The following GRIN2A variants were observed in gnomAD, a reference collection of about 807,000 sequenced individuals.
GRIN2A encodes glutamate receptor ionotropic, NMDA 2A.
Under a neutral mutation model 113.4 loss-of-function variants are expected in GRIN2A, and 22 were observed. The ratio of observed to expected loss-of-function variants is 0.19; its 90% CI spans 0.14 to 0.28. GRIN2A has a LOEUF of 0.28. Among genes scored for constraint, GRIN2A ranks in the 10% least tolerant of loss-of-function variants. The pLI is 1.00. For missense variants in GRIN2A, 1,502 were observed against 1,887.0 expected, an observed-to-expected ratio of 0.80 and a Z score of 3.78; for synonymous variants, 827 against 738.4, an observed-to-expected ratio of 1.12 and a Z score of -1.94.
At chr16:9,923,588 T>G (rs1314703246) in intron 3 of GRIN2A, among the ~76,000 whole-genome samples, 1 of 152,160 alleles carries the variant, frequency 6.6e-6, no homozygotes. Context: ...TTTTTAATGT[T>G]AGTGGTTTGT....
At chr16:9,887,736 G>A (rs576162532) in intron 4 of GRIN2A, among the ~76,000 whole-genome samples, 11 of 152,212 alleles carry the variant, frequency 7.2e-5, no homozygotes, top group African/African-American at 1.7e-4. Flanking sequence ...GTATGTGTAC[G>A]TTTATTAAAA....
At chr16:9,971,663 A>G (rs545378731) in intron 2 of GRIN2A, among the ~76,000 whole-genome samples, 1 of 152,366 alleles carries the variant, frequency 6.6e-6, no homozygotes, top group African/African-American at 2.4e-5. Context: ...CATAAAAATT[A>G]TCTGATCTAG....
At chr16:10,149,976 C>T (rs1232979234) in intron 2 of GRIN2A, among the ~76,000 whole-genome samples, 1 of 152,190 alleles carries the variant, frequency 6.6e-6, no homozygotes, top group Non-Finnish European at 1.5e-5. Flanking sequence ...TCCATTTCTA[C>T]CACAAAGAAA....
chr16:10,111,482 A>C, intron 2 of GRIN2A: 1 of 659,002 alleles, frequency 1.5e-6, no homozygotes, highest in Non-Finnish European at 2.8e-6. Context: ...ACCCACAACA[A>C]CTTCCTGATT....
intron 2 of GRIN2A, among the ~76,000 whole-genome samples, chr16:10,106,482 C>T (rs1036074090): frequency 2.0e-5 from 3 of 151,600 alleles, no homozygotes; most frequent in African/African-American, 7.3e-5. Context: ...CTAGTACAAC[C>T]AAAGTGGCCA....
chr16:9,906,353 T>C (rs1484675012), intron 3 of GRIN2A, among the ~76,000 whole-genome samples: 1 of 152,196 alleles, frequency 6.6e-6, no homozygotes, highest in East Asian at 1.9e-4. Flanking sequence ...AGTCTTGTGA[T>C]TTTCCACTTC....
intron 9 of GRIN2A, among the ~76,000 whole-genome samples, chr16:9,823,746 T>C (rs1025800745): frequency 2.6e-5 from 4 of 152,168 alleles, no homozygotes; most frequent in African/African-American, 7.2e-5. Context: ...ATGTGATCTA[T>C]TTAAGATTAT....
At chr16:10,017,170 A>G (rs1202441333) in intron 2 of GRIN2A, among the ~76,000 whole-genome samples, 2 of 152,258 alleles carry the variant, frequency 1.3e-5, no homozygotes, top group Admixed American at 6.5e-5. Context: ...TCTGACCACA[A>G]AAACACCATA....
At chr16:9,862,630 T>TG (rs2043090673) in intron 4 of GRIN2A, among the ~76,000 whole-genome samples, 1 of 152,194 alleles carries the variant, frequency 6.6e-6, no homozygotes, top group Non-Finnish European at 1.5e-5. Flanking sequence ...GCCAGATCCC[T>TG]GGGGAAAGAT....
intron 2 of GRIN2A, among the ~76,000 whole-genome samples, chr16:10,017,882 C>T (rs1021199498): frequency 6.6e-6 from 1 of 152,192 alleles, no homozygotes; most frequent in Non-Finnish European, 1.5e-5. Context: ...CTTGCCCAAC[C>T]TTAGTCTCAG....
rs1161940153 is a variant in GRIN2A at position 9,935,516 on chromosome 16, A to T, written c.1007+2443T>A. On this transcript the variant is annotated intron_variant, in intron 3 of 12. Coordinates refer to ENST00000330684, the MANE Select transcript of GRIN2A (RefSeq NM_001134407.3). ...AAGTATATTCTGTCTACTTCATCAC[A>T]CACACACACACACACACACACACAC... Among the ~76,000 whole-genome samples the T allele has an allele frequency of 4.9e-5, 4 of 81,286 alleles. No homozygotes were observed. The East Asian group carries it at 7.7e-4, about 16-fold the overall frequency. The allele number at this position is 81,286 out of a possible 152,430, so 53.3% of individuals were successfully genotyped here.
At chr16:10,066,433 G>C (rs1002316623) in intron 2 of GRIN2A, among the ~76,000 whole-genome samples, 3 of 152,212 alleles carry the variant, frequency 2.0e-5, no homozygotes, top group East Asian at 3.8e-4. Context: ...AATGTTTGCA[G>C]AGTAAAAATG....
intron 4 of GRIN2A, among the ~76,000 whole-genome samples, chr16:9,856,327 C>T (rs568812412): frequency 6.6e-6 from 1 of 152,220 alleles, no homozygotes; most frequent in Admixed American, 6.5e-5. Flanking sequence ...AACAAGGCCA[C>T]AGAGTTGTTA....
At position 9,949,929 on chromosome 16, in the gene GRIN2A, G is replaced by A. The variant is rs556436699; in HGVS notation, c.415-11378C>T. On this transcript the variant is annotated intron_variant, in intron 2 of 12. Transcript: ENST00000330684. ...ATAAGTGAGAGCTGGATGAACAGGG[G>A]GTGTGAAATGAGGGGGCTCAGAGGT... is the stretch of plus-strand genomic sequence containing the variant. 2.6e-5 allele frequency among the ~76,000 whole-genome samples: 4 copies of A among 152,228 alleles called. No homozygotes were observed. In the South Asian group the frequency reaches 8.3e-4, roughly 32 times the overall value.
At chr16:10,169,631 A>T (rs1447532259) in intron 2 of GRIN2A, among the ~76,000 whole-genome samples, 1 of 152,158 alleles carries the variant, frequency 6.6e-6, no homozygotes, top group Admixed American at 6.5e-5. Flanking sequence ...GAGGAAGGCA[A>T]AGTAGAAGAA....
chr16:9,800,052 G>A (rs927897313), intron 10 of GRIN2A, among the ~76,000 whole-genome samples: 4 of 151,954 alleles, frequency 2.6e-5, no homozygotes, highest in African/African-American at 9.7e-5. Flanking sequence ...TCAGCTCACT[G>A]CAACCTCCAC....
At chr16:10,141,017 G>A (rs1383759915) in intron 2 of GRIN2A, among the ~76,000 whole-genome samples, 1 of 152,014 alleles carries the variant, frequency 6.6e-6, no homozygotes, top group Non-Finnish European at 1.5e-5. Flanking sequence ...AACATAGTGA[G>A]ACCCCATCTC....
intron 2 of GRIN2A, among the ~76,000 whole-genome samples, chr16:10,178,108 C>T (rs1321456514): frequency 2.0e-5 from 3 of 152,202 alleles, no homozygotes; most frequent in Non-Finnish European, 4.4e-5. Context: ...TAGAAAAACT[C>T]AAGAAGGAAG....
rs192643415 is a variant in GRIN2A, at chr16:9,876,570, C to T, written c.1122+14416G>A. Among the ~76,000 whole-genome samples the T allele has an allele frequency of 4.8e-3, 728 of 152,222 alleles. 7 individuals are homozygous for T. Among genetic ancestry groups the T allele is most frequent in the African/African-American group, 0.017 (703 of 41,536 alleles). On this transcript the variant is annotated intron_variant, in intron 4 of 12. Transcript: ENST00000330684. ...CCTTTGACTCTGCCGGATTTTGTAG[C>T]CCCCACAGCCTGGTGTTGGGTCTGA...
Sources: allele counts gnomAD v4.1 joint callset (sites outside exome capture counted in the v4.1 genomes callset), GRCh38; gene constraint gnomAD v4.1.1; transcripts MANE v1.5; gene names NCBI Gene and HGNC (gene_info 2026-07-23, HGNC 2026-07-21).